Variants in DEFB1 observed in about 807,000 individuals in gnomAD.
DEFB1 encodes the protein defensin beta 1.
DEFB1 carries 4 observed loss-of-function variants against 2.6 expected under a neutral mutation model. The observed-to-expected ratio is 1.53, with a 90% CI of 0.76 to 3.51. The LOEUF (loss-of-function observed/expected upper bound fraction) is 3.51. Ranked by LOEUF, DEFB1 falls within the 30% of genes most tolerant of loss-of-function variation. The pLI, the probability that DEFB1 is intolerant of heterozygous loss-of-function variation, is 0.01. For missense variants in DEFB1, 162 were observed against 76.9 expected (o/e 2.11, Z -4.14); for synonymous variants, 56 against 28.5 (o/e 1.96, Z -3.07).
At chr8:6,875,227 T>C (rs900965098) in intron 1 of DEFB1, among the ~76,000 whole-genome samples, 4 of 152,088 alleles carry the variant, frequency 2.6e-5, no homozygotes, top group Non-Finnish European at 4.4e-5. Context: ...TTAAACAAGA[T>C]AGAAAGTGCA....
intron 1 of DEFB1, among the ~76,000 whole-genome samples, chr8:6,872,929 G>A (rs186581261): frequency 4.6e-5 from 7 of 152,278 alleles, no homozygotes; most frequent in Non-Finnish European, 7.4e-5. Flanking sequence ...CCCACACTGC[G>A]AAAGATGGAA....
chr8:6,874,815 C>G (rs372921741), intron 1 of DEFB1, among the ~76,000 whole-genome samples: 13 of 152,132 alleles, frequency 8.5e-5, no homozygotes, highest in African/African-American at 2.4e-4. Flanking sequence ...AACCTGCTCT[C>G]TACTAAAAAT....
At position 6,875,202 on chromosome 8, in the gene DEFB1, G is replaced by A. The variant is rs1040756365; in HGVS notation, c.61+2595C>T. Among the ~76,000 whole-genome samples, 4 of 151,896 alleles carry A rather than the reference G, an allele frequency of 2.6e-5. No individual in the cohort carries two copies. In the East Asian group the frequency reaches 7.7e-4, roughly 29 times the overall value. On this transcript the variant is annotated intron_variant, in intron 1 of 1. Transcript: ENST00000297439. ...TGGGGACTATCTTCATGTCTTTGAT[G>A]TAAAGAAAGTCTTCTTAAACAAGAT...
intron 1 of DEFB1, among the ~76,000 whole-genome samples, chr8:6,871,662 G>A (rs1007214090): frequency 6.6e-6 from 1 of 152,084 alleles, no homozygotes; most frequent in Non-Finnish European, 1.5e-5. Flanking sequence ...ACGGTCATTG[G>A]GGTGTGCTCT....
chr8:6,875,825 G>A (rs1177512185), intron 1 of DEFB1, among the ~76,000 whole-genome samples: 3 of 151,976 alleles, frequency 2.0e-5, no homozygotes, highest in African/African-American at 7.2e-5. Flanking sequence ...CACAAACCAA[G>A]CTGTACTATT....
At chr8:6,873,084 G>T (rs552883917) in intron 1 of DEFB1, among the ~76,000 whole-genome samples, 1 of 152,318 alleles carries the variant, frequency 6.6e-6, no homozygotes, top group East Asian at 1.9e-4. Flanking sequence ...TGCTGATTAA[G>T]CAGAGGAGGC....
At chr8:6,870,850 T>C (rs1296610909) in intron 1 of DEFB1, 24 bp from the exon 2 acceptor site, 2 of 1,588,468 alleles carry the variant, frequency 1.3e-6, no homozygotes, top group African/African-American at 1.4e-5. Context: ...ACACAAACAC[T>C]TCAGACTCAT....
chr8:6,870,864 T>G, intron 1 of DEFB1, 38 bp from the exon 2 acceptor site: 2 of 1,571,938 alleles, frequency 1.3e-6, no homozygotes, highest in Non-Finnish European at 1.7e-6. Context: ...GACTCATGGC[T>G]TGTAGCTGCA....
In DEFB1 at chr8:6,876,476, C is replaced by CA. The variant is rs556812992; in HGVS notation, c.61+1320dup. Among the ~76,000 whole-genome samples the CA allele has an allele frequency of 1.5e-3, 230 of 151,552 alleles. 1 individual carries two copies. Among genetic ancestry groups the CA allele is most frequent in the Non-Finnish European group, 2.6e-3 (177 of 67,858 alleles). ...TGGGTGACAGAGCAAGACTCCATCT[C>CA]AAAAAAACAAAACAAAACAAAACAA... On this transcript the variant is annotated intron_variant, in intron 1 of 1. Coordinates refer to ENST00000297439, the MANE Select transcript of DEFB1 (RefSeq NM_005218.4).
At chr8:6,876,845 C>CAAAAAAAA (rs34563802) in intron 1 of DEFB1, among the ~76,000 whole-genome samples, 6 of 57,942 alleles carry the variant, frequency 1.0e-4, no homozygotes, top group Non-Finnish European at 1.6e-4. Context: ...AACCAAAAAC[C>CAAAAAAAA]AAAAAAAAAA....
At chr8:6,875,391 T>C (rs1221995694) in intron 1 of DEFB1, among the ~76,000 whole-genome samples, 1 of 152,090 alleles carries the variant, frequency 6.6e-6, no homozygotes, top group Non-Finnish European at 1.5e-5. Flanking sequence ...AAGGCTTGCA[T>C]AGAAAATACA....
intron 1 of DEFB1, among the ~76,000 whole-genome samples, chr8:6,875,779 G>A (rs1482143176): frequency 6.6e-6 from 1 of 152,108 alleles, no homozygotes; most frequent in Non-Finnish European, 1.5e-5. Flanking sequence ...TAGAAATAGA[G>A]GCATAAGGGC....
intron 1 of DEFB1, among the ~76,000 whole-genome samples, chr8:6,873,422 A>T (rs930084832): frequency 6.6e-6 from 1 of 152,210 alleles, no homozygotes; most frequent in East Asian, 1.9e-4. Flanking sequence ...CTTTGATTAC[A>T]TTCTGTGTTC....
intron 1 of DEFB1, 97 bp from the exon 2 acceptor site, chr8:6,870,923 C>A (rs368957997): frequency 1.5e-6 from 2 of 1,328,098 alleles, no homozygotes; most frequent in Non-Finnish European, 2.0e-6. Flanking sequence ...TGCAAAACAC[C>A]GGAGAGTCTT....
Position 6,877,865 on chromosome 8 carries a change from G to A in DEFB1, c.-8C>T, listed in dbSNP as rs768655686. On this transcript the variant is annotated 5_prime_UTR_variant, in exon 1 of 2. Coordinates refer to ENST00000297439, the MANE Select transcript of DEFB1 (RefSeq NM_005218.4). ...AAGGTAGGAAGTTCTCATGGCGACT[G>A]GCAGGCAACACCCAGGATTTCAGGA... 4 of 1,613,808 alleles carry A rather than the reference G, an allele frequency of 2.5e-6. No homozygotes were observed. Among genetic ancestry groups the A allele is most frequent in the Non-Finnish European group, 3.4e-6 (4 of 1,179,858 alleles).
At chr8:6,870,973 A>C in intron 1 of DEFB1, 147 bp from the exon 2 acceptor site, 1 of 917,112 alleles carries the variant, frequency 1.1e-6, no homozygotes, top group Non-Finnish European at 1.6e-6. Flanking sequence ...CTTTGGGGCT[A>C]CTCATGAAAT....
intron 1 of DEFB1, among the ~76,000 whole-genome samples, chr8:6,876,690 T>C (rs1806541810): frequency 6.6e-6 from 1 of 150,998 alleles, no homozygotes; most frequent in African/African-American, 2.4e-5. Context: ...GTAGTCACAG[T>C]TTCTTGGGAG....
At chr8:6,872,072 C>T (rs1554540177) in intron 1 of DEFB1, among the ~76,000 whole-genome samples, 1 of 152,152 alleles carries the variant, frequency 6.6e-6, no homozygotes, top group Non-Finnish European at 1.5e-5. Context: ...AGTAATTCCA[C>T]TTTTGAAAAA....
chr8:6,873,232 C>A (rs1806387790), intron 1 of DEFB1, among the ~76,000 whole-genome samples: 1 of 152,218 alleles, frequency 6.6e-6, no homozygotes, highest in African/African-American at 2.4e-5. Context: ...TGGTCAAAGA[C>A]CAACCCCGGA....
Sources: gnomAD v4.1 joint callset for allele counts (sites outside exome capture counted in the v4.1 genomes callset) on GRCh38, gnomAD v4.1.1 for gene constraint, MANE v1.5 for transcripts, NCBI Gene and HGNC (gene_info 2026-07-23, HGNC 2026-07-21) for gene names.